Variants in UGT8 observed in about 807,000 individuals in gnomAD.
UGT8 encodes 2-hydroxyacylsphingosine 1-beta-galactosyltransferase.
In UGT8, 12 loss-of-function variants were observed where a neutral mutation model predicts 40.5. The ratio of observed to expected loss-of-function variants is 0.30; its 90% confidence interval spans 0.19 to 0.48. The LOEUF is 0.48. UGT8 is among the 20% of genes least tolerant of loss of function. The pLI, the probability that UGT8 is intolerant of heterozygous loss-of-function variation, is 0.99. For synonymous variants in UGT8, 224 were observed against 240.4 expected (o/e 0.93, Z 0.63); for missense variants, 513 against 648.7 (o/e 0.79, Z 2.27).
chr4:114,639,196 G>A (rs1733064527), intron 2 of UGT8, among the ~76,000 whole-genome samples: 1 of 152,098 alleles, frequency 6.6e-6, no homozygotes, highest in Non-Finnish European at 1.5e-5. Context: ...ATAAAGAATA[G>A]CAGTCTCTGA....
chr4:114,673,859 C>T (rs1735452954), intron 5 of UGT8, among the ~76,000 whole-genome samples: 1 of 152,130 alleles, frequency 6.6e-6, no homozygotes, highest in African/African-American at 2.4e-5. Context: ...TGATAAATTA[C>T]AAAGCAACTG....
Position 114,622,913 on chromosome 4 carries a change from G to A in UGT8, c.33G>A (p.Leu11=). The A allele has an allele frequency of 6.2e-7, 1 of 1,613,856 alleles. No individual in the cohort carries two copies. The highest frequency in any genetic ancestry group is 8.5e-7 in the Non-Finnish European group (1 of 1,179,914). MKSYTPYFIL[L]WSAVGIAKAA... ...CTTACACTCCATATTTCATTCTCCT[G>A]TGGAGTGCTGTTGGGATAGCGAAGG... The change falls in exon 2 of 6, where the codon CTG becomes CTA. Residue 11 remains leucine (L), a synonymous_variant. Transcript: ENST00000310836.
chr4:114,644,621 A>T (rs1733440025), intron 2 of UGT8, among the ~76,000 whole-genome samples: 2 of 152,156 alleles, frequency 1.3e-5, no homozygotes, highest in East Asian at 3.8e-4. Context: ...TAGTCCTTTC[A>T]TAATCATAAA....
At chr4:114,630,081 T>G (rs1302901192) in intron 2 of UGT8, among the ~76,000 whole-genome samples, 1 of 152,208 alleles carries the variant, frequency 6.6e-6, no homozygotes, top group East Asian at 1.9e-4. Context: ...AAATTTAAAT[T>G]GCTACTGCCA....
chr4:114,622,813 TG>T, intron 1 of UGT8, 65 bp from the exon 2 acceptor site: 1 of 1,401,058 alleles, frequency 7.1e-7, no homozygotes, highest in South Asian at 1.5e-5. Flanking sequence ...AAATGCTTTG[TG>T]ATTGCTTGTT....
intron 2 of UGT8, chr4:114,656,944 T>C (rs779760437): frequency 1.6e-5 from 7 of 425,244 alleles, no homozygotes; most frequent in East Asian, 8.1e-5. Flanking sequence ...GTGTCAGATA[T>C]GGTACATAGC....
intron 2 of UGT8, among the ~76,000 whole-genome samples, chr4:114,661,568 A>G (rs1409531727): frequency 6.6e-6 from 1 of 152,138 alleles, no homozygotes; most frequent in Non-Finnish European, 1.5e-5. Context: ...TGTCAACCGA[A>G]TCCAAAATCC....
chr4:114,633,082 T>A (rs1217977801), intron 2 of UGT8, among the ~76,000 whole-genome samples: 6 of 152,252 alleles, frequency 3.9e-5, no homozygotes, highest in South Asian at 2.1e-4. Flanking sequence ...ATGTATAACA[T>A]TGAAAAGGTT....
intron 2 of UGT8, among the ~76,000 whole-genome samples, chr4:114,643,198 A>G (rs1237594305): frequency 6.6e-6 from 1 of 152,124 alleles, no homozygotes; most frequent in Non-Finnish European, 1.5e-5. Context: ...ATGCGGGTCA[A>G]TGGCAGTGGC....
intron 2 of UGT8, among the ~76,000 whole-genome samples, chr4:114,625,458 C>T (rs1324659789): frequency 1.5e-5 from 2 of 135,622 alleles, no homozygotes; most frequent in East Asian, 4.7e-4. Flanking sequence ...CCGCAGTGAG[C>T]TGAGATCACA....
intron 2 of UGT8, among the ~76,000 whole-genome samples, chr4:114,659,534 G>A (rs1734391697): frequency 6.6e-6 from 1 of 152,110 alleles, no homozygotes; most frequent in African/African-American, 2.4e-5. Flanking sequence ...AGTAGTCCGG[G>A]ATTGGGCATG....
chr4:114,665,152 C>T (rs1387929195), intron 3 of UGT8, among the ~76,000 whole-genome samples: 2 of 152,196 alleles, frequency 1.3e-5, no homozygotes, highest in Non-Finnish European at 2.9e-5. Flanking sequence ...TTTTAAAGAT[C>T]AGGCAGGAAA....
Position 114,634,423 on chromosome 4 carries a change from G to A in UGT8, c.822+10721G>A, listed in dbSNP as rs561470248. Among the ~76,000 whole-genome samples the A allele has an allele frequency of 2.6e-5, 4 of 152,260 alleles. No homozygotes were observed. In the East Asian group the frequency reaches 7.7e-4, roughly 29 times the overall value. On this transcript the variant is annotated intron_variant, in intron 2 of 5. Transcript: ENST00000310836. ...ATGGAAATAAATGCAGTGGCTTATC[G>A]ACTCTCCAAGGAAGAGGAGGAGGGA... is the stretch of plus-strand genomic sequence containing the variant.
intron 2 of UGT8, among the ~76,000 whole-genome samples, chr4:114,636,726 T>TC (rs1369551930): frequency 2.0e-5 from 3 of 151,954 alleles, no homozygotes; most frequent in Non-Finnish European, 4.4e-5. Context: ...CCCCCAAACT[T>TC]CCCGCTGCCT....
At chr4:114,621,363 C>A (rs575061134) in intron 1 of UGT8, among the ~76,000 whole-genome samples, 1 of 152,094 alleles carries the variant, frequency 6.6e-6, no homozygotes, top group Non-Finnish European at 1.5e-5. Context: ...AATGCATCAG[C>A]AAATTGACAT....
intron 5 of UGT8, 127 bp downstream of exon 5, chr4:114,668,431 T>C (rs572962184): frequency 2.4e-6 from 2 of 825,076 alleles, no homozygotes; most frequent in East Asian, 2.7e-5. Flanking sequence ...ATTCCTGTGA[T>C]AATGCTTTGT....
chr4:114,643,549 A>G (rs1383702492), intron 2 of UGT8, among the ~76,000 whole-genome samples: 1 of 152,230 alleles, frequency 6.6e-6, no homozygotes, highest in Admixed American at 6.5e-5. Context: ...TTTAGATAGT[A>G]TTTCACAAAC....
At chr4:114,641,717 G>T (rs558456424) in intron 2 of UGT8, among the ~76,000 whole-genome samples, 2 of 152,138 alleles carry the variant, frequency 1.3e-5, no homozygotes, top group African/African-American at 4.8e-5. Flanking sequence ...GGAGAAAAAC[G>T]AGAGAGGAGA....
chr4:114,659,717 G>T (rs1734402981), intron 2 of UGT8, among the ~76,000 whole-genome samples: 1 of 152,184 alleles, frequency 6.6e-6, no homozygotes, highest in Non-Finnish European at 1.5e-5. Context: ...TACTTAAGAA[G>T]TAGTAGTACT....
Sources: allele counts gnomAD v4.1 joint callset (sites outside exome capture counted in the v4.1 genomes callset), GRCh38; gene constraint gnomAD v4.1.1; transcripts MANE v1.5; gene names NCBI Gene and HGNC (gene_info 2026-07-23, HGNC 2026-07-21).